Variants in GALNT13 observed in about 807,000 individuals in gnomAD.
GALNT13 encodes the protein UDP-GalNAc:polypeptide N-acetylgalactosaminyltransferase 13.
In GALNT13, 28 loss-of-function variants were observed where a neutral mutation model predicts 64.2. The observed-to-expected ratio is 0.44, with a 90% CI of 0.32 to 0.60. GALNT13 has a LOEUF of 0.60. Among genes scored for constraint, GALNT13 ranks in the 20% least tolerant of loss-of-function variants. The pLI, the probability that GALNT13 is intolerant of heterozygous loss-of-function variation, is 0.05. For missense variants in GALNT13, 577 were observed against 669.8 expected, an observed-to-expected ratio of 0.86 and a Z score of 1.53; for synonymous variants, 214 against 224.6, an observed-to-expected ratio of 0.95 and a Z score of 0.42.
At chr2:154,143,009 T>C (rs1215375900) in intron 4 of GALNT13, among the ~76,000 whole-genome samples, 1 of 152,194 alleles carries the variant, frequency 6.6e-6, no homozygotes, top group Non-Finnish European at 1.5e-5. Context: ...TATGCTGTAG[T>C]ATGCTGTAGT....
chr2:153,646,475 T>C, the GALNT13 span, among the ~76,000 whole-genome samples: 1 of 140,400 alleles, frequency 7.1e-6, no homozygotes, highest in South Asian at 2.2e-4. Context: ...ATATATATTT[T>C]ATTATACTTT....
the GALNT13 span, among the ~76,000 whole-genome samples, chr2:153,463,259 T>G: frequency 1.3e-5 from 2 of 152,062 alleles, no homozygotes; most frequent in African/African-American, 4.8e-5. Flanking sequence ...AGAACTTCCA[T>G]TAGCCGACCC....
the GALNT13 span, among the ~76,000 whole-genome samples, chr2:153,658,392 A>G: frequency 2.6e-5 from 4 of 152,136 alleles, no homozygotes; most frequent in Non-Finnish European, 5.9e-5. Flanking sequence ...ATTAGTAAGT[A>G]TATCTTTGAC....
chr2:153,647,377 A>G, the GALNT13 span, among the ~76,000 whole-genome samples: 1 of 152,124 alleles, frequency 6.6e-6, no homozygotes, highest in Admixed American at 6.5e-5. Context: ...CCTTTGTCAG[A>G]TGAGTAGATT....
the GALNT13 span, among the ~76,000 whole-genome samples, chr2:153,744,323 C>T: frequency 6.6e-6 from 1 of 152,118 alleles, no homozygotes; most frequent in Non-Finnish European, 1.5e-5. Flanking sequence ...CTTTTCTCCA[C>T]TCCTCACCAG....
the GALNT13 span, among the ~76,000 whole-genome samples, chr2:153,548,808 C>T: frequency 5.9e-5 from 9 of 152,092 alleles, no homozygotes; most frequent in East Asian, 1.2e-3. Context: ...CATATGCTCA[C>T]GTGAAAACTT....
intron 8 of GALNT13, among the ~76,000 whole-genome samples, chr2:154,301,053 T>G (rs1463560572): frequency 6.6e-6 from 1 of 152,180 alleles, no homozygotes; most frequent in Non-Finnish European, 1.5e-5. Context: ...CCAAATCAAA[T>G]TTAGTTTTTG....
the GALNT13 span, chr2:153,337,605 G>C: frequency 1.3e-5 from 2 of 152,172 alleles, no homozygotes; most frequent in African/African-American, 2.4e-5. Context: ...AACTATAAAA[G>C]TATTTATTTG....
chr2:154,371,240 C>T (rs892685644), intron 9 of GALNT13, among the ~76,000 whole-genome samples: 1 of 152,034 alleles, frequency 6.6e-6, no homozygotes, highest in Non-Finnish European at 1.5e-5. Context: ...CCCAGATCCA[C>T]CCATGGAACT....
intron 11 of GALNT13, among the ~76,000 whole-genome samples, chr2:154,417,011 C>T (rs1700038885): frequency 1.3e-5 from 2 of 152,084 alleles, no homozygotes; most frequent in Admixed American, 1.3e-4. Context: ...TCTCTCTCAT[C>T]TTTCATCACC....
chr2:154,298,636 T>TTATATATACAATGTATATATAAA (rs1693161201), intron 8 of GALNT13, among the ~76,000 whole-genome samples: 1 of 13,370 alleles, frequency 7.5e-5, no homozygotes, highest in African/African-American at 2.1e-4. Context: ...GTATATATAA[T>TTATATATACAATGTATATATAAA]TTATATATAC....
chr2:153,198,670 C>T, the GALNT13 span, among the ~76,000 whole-genome samples: 2 of 152,198 alleles, frequency 1.3e-5, no homozygotes, highest in East Asian at 1.9e-4. Flanking sequence ...CATTACCTTC[C>T]TCACTCTTTT....
intron 3 of GALNT13, among the ~76,000 whole-genome samples, chr2:154,094,076 A>G (rs1329516391): frequency 6.6e-6 from 1 of 151,960 alleles, no homozygotes; most frequent in Admixed American, 6.6e-5. Context: ...CAGAGTTTAT[A>G]AAGTACCTTT....
At chr2:153,197,805 C>T in the GALNT13 span, among the ~76,000 whole-genome samples, 4 of 152,174 alleles carry the variant, frequency 2.6e-5, no homozygotes, top group East Asian at 1.9e-4. Flanking sequence ...CCACGTGCTT[C>T]GGTCCCAGGC....
the GALNT13 span, among the ~76,000 whole-genome samples, chr2:153,168,858 A>G: frequency 6.6e-6 from 1 of 152,170 alleles, no homozygotes. Context: ...GTCAATTCAT[A>G]TACTTTCAGT....
the GALNT13 span, among the ~76,000 whole-genome samples, chr2:153,075,233 C>T: frequency 3.9e-5 from 6 of 152,036 alleles, no homozygotes; most frequent in African/African-American, 9.7e-5. Flanking sequence ...AATAGAATAC[C>T]GGTATCTCAG....
the GALNT13 span, among the ~76,000 whole-genome samples, chr2:153,294,856 A>G: frequency 6.6e-6 from 1 of 152,130 alleles, no homozygotes. Flanking sequence ...TACTAGTTGG[A>G]GAGGAAAAAG....
the GALNT13 span, among the ~76,000 whole-genome samples, chr2:153,837,461 T>C: frequency 1.3e-5 from 2 of 152,042 alleles, no homozygotes; most frequent in Non-Finnish European, 2.9e-5. Flanking sequence ...TTTCTATGAG[T>C]TCAGCATTTT....
At chr2:153,800,461 A>T in the GALNT13 span, among the ~76,000 whole-genome samples, 1 of 152,110 alleles carries the variant, frequency 6.6e-6, no homozygotes, top group African/African-American at 2.4e-5. Context: ...ACAATAATGA[A>T]GTTTGCCATA....
Sources: allele counts gnomAD v4.1 joint callset (sites outside exome capture counted in the v4.1 genomes callset), GRCh38; gene constraint gnomAD v4.1.1; transcripts MANE v1.5; gene names NCBI Gene and HGNC (gene_info 2026-07-23, HGNC 2026-07-21).